GEMIN7: variants seen among roughly 807,000 people sequenced by gnomAD.
GEMIN7 encodes the protein gem nuclear organelle associated protein 7.
A neutral mutation model predicts 7.8 loss-of-function variants in GEMIN7; 7 were observed. That is an observed-to-expected ratio of 0.90 (90% confidence interval 0.51 to 1.69). The LOEUF (loss-of-function observed/expected upper bound fraction) is 1.69, where lower values mean the gene tolerates loss of function less well. GEMIN7 is among the 40% of genes most tolerant of loss of function. The pLI, the probability that GEMIN7 is intolerant of heterozygous loss-of-function variation, is 0.00. For missense variants in GEMIN7, 159 were observed against 176.2 expected, an observed-to-expected ratio of 0.90 and a Z score of 0.55; for synonymous variants, 68 against 72.4, an observed-to-expected ratio of 0.94 and a Z score of 0.31.
upstream of GEMIN7, chr19:45,075,642 A>C: frequency 6.4e-7 from 1 of 1,568,754 alleles, no homozygotes; most frequent in Non-Finnish European, 8.7e-7. Flanking sequence ...CCTGCCGTCC[A>C]GCCCAGCCCC....
rs748658297 is a variant in GEMIN7, at chr19:45,090,264, C to T, written c.150C>T (p.Ser50=). ...EIQECPIAQE[S]LESQEQRARA... ...AGGAGTGTCCCATAGCTCAAGAATC[C>T]CTGGAATCCCAGGAGCAGCGGGCAC... The change falls in exon 3 of 3, where the codon TCC becomes TCT. Residue 50 remains serine (S), a synonymous_variant. Coordinates refer to ENST00000270257, the MANE Select transcript of GEMIN7 (RefSeq NM_024707.3). The T allele has an allele frequency of 2.6e-5, 42 of 1,614,074 alleles. No homozygotes were observed. Among genetic ancestry groups the T allele is most frequent in the Non-Finnish European group, 3.3e-5 (39 of 1,180,028 alleles).
chr19:45,076,347 C>A (rs764365382), upstream of GEMIN7: 9 of 1,358,172 alleles, frequency 6.6e-6, no homozygotes, highest in Non-Finnish European at 8.6e-6. This position sits in a 1 kb window ranked among gnomAD's most constrained non-coding sequence, Gnocchi z 4.9. Context: ...CTCGGCGGGG[C>A]GCGCTGCCGG....
intron 2 of GEMIN7, among the ~76,000 whole-genome samples, chr19:45,082,388 C>G (rs987903660): frequency 2.0e-5 from 3 of 152,208 alleles, no homozygotes; most frequent in Non-Finnish European, 4.4e-5. Flanking sequence ...AAACTACCCT[C>G]TATCCCCCAG....
rs1350115013 is a variant in GEMIN7 at position 45,091,451 on chromosome 19, T to A, written c.*941T>A. The A allele has an allele frequency of 3.0e-5, 5 of 167,152 alleles. No homozygotes were observed. Among genetic ancestry groups the A allele is most frequent in the Admixed American group, 2.0e-4 (3 of 15,288 alleles). 10.4% of individuals were successfully genotyped at this position (167,152 alleles called of 1,614,324 possible). A position where few individuals can be genotyped will look rare whatever the true frequency, so the allele number is the denominator to read the frequency against. On this transcript the variant is annotated 3_prime_UTR_variant, in exon 3 of 3. Coordinates refer to ENST00000270257, the MANE Select transcript of GEMIN7 (RefSeq NM_024707.3). Reference sequence around the variant, plus strand: ...AGAAAGCAGTTTCTGTCCCTTTCTGTAGTTCCTTTAAGTTCAGGATGTAAG... The same window carrying A: ...AGAAAGCAGTTTCTGTCCCTTTCTGAAGTTCCTTTAAGTTCAGGATGTAAG...
chr19:45,075,891 G>T (rs772519742), upstream of GEMIN7: 33 of 1,612,536 alleles, frequency 2.0e-5, no homozygotes, highest in Non-Finnish European at 2.6e-5. Context: ...TGGTGAGCGT[G>T]GGGTGGGGCC....
rs750629601 is a variant in GEMIN7, at chr19:45,090,121, A to T, written c.7A>T (p.Thr3Ser). Residue 3 changes from threonine to serine, a missense_variant, in exon 3 of 3, where the codon ACT becomes TCT. Coordinates refer to ENST00000270257, the MANE Select transcript of GEMIN7 (RefSeq NM_024707.3). MQ[T>S]PVNIPVPVLR... Reference sequence around the variant, plus strand: ...TCACTCAACAGCCAAGACAATGCAAACTCCAGTGAACATTCCCGTGCCTGT... The same window carrying T: ...TCACTCAACAGCCAAGACAATGCAATCTCCAGTGAACATTCCCGTGCCTGT... 6.2e-7 allele frequency: 1 copy of T among 1,606,852 alleles called. No homozygotes were observed. The highest frequency in any genetic ancestry group is 8.5e-7 in the Non-Finnish European group (1 of 1,174,882).
In GEMIN7 at chr19:45,090,338, G is replaced by A; in HGVS notation, c.224G>A (p.Gly75Asp). 6.2e-7 allele frequency: 1 copy of A among 1,614,190 alleles called. No homozygotes were observed. Among genetic ancestry groups the A allele is most frequent in the Non-Finnish European group, 8.5e-7 (1 of 1,180,046 alleles). Residue 75 changes from glycine to aspartate, a missense_variant, in exon 3 of 3, where the codon GGT (glycine) becomes GAT (aspartate). Gly to Asp is a moderately conservative substitution (Grantham distance 94, BLOSUM62 -1). Coordinates refer to ENST00000270257, the MANE Select transcript of GEMIN7 (RefSeq NM_024707.3). Reference protein sequence around the residue: ...RYLRSLLAMVGHQVSFTLHEG... With the variant: ...RYLRSLLAMVDHQVSFTLHEG... ...CTCCGCAGCCTGCTGGCCATGGTGGGTCATCAGGTGAGCTTCACGTTGCAC... is the reference window on the plus strand; with the variant it reads ...CTCCGCAGCCTGCTGGCCATGGTGGATCATCAGGTGAGCTTCACGTTGCAC...
chr19:45,080,374 ATTTT>A (rs765472967), intron 2 of GEMIN7, among the ~76,000 whole-genome samples: 4 of 134,878 alleles, frequency 3.0e-5, no homozygotes, highest in Non-Finnish European at 3.2e-5. Context: ...CAAGGAAATG[ATTTT>A]TTTTTTTTTT....
chr19:45,088,454 A>T (rs983393455), intron 2 of GEMIN7: 1 of 152,098 alleles, frequency 6.6e-6, no homozygotes, highest in African/African-American at 2.4e-5. Flanking sequence ...TCTTCTGAGT[A>T]GCTGGGACTT....
chr19:45,076,019 G>A (rs1967340283), upstream of GEMIN7: 3 of 1,569,680 alleles, frequency 1.9e-6, no homozygotes, highest in Non-Finnish European at 2.6e-6. The surrounding 1 kb of genome is among the most constrained non-coding windows in gnomAD (Gnocchi z 4.9). Context: ...CAAAGGGAAG[G>A]GTCCCACCCG....
At position 45,090,565 on chromosome 19, in the gene GEMIN7, C is replaced by G; in HGVS notation, c.*55C>G. The G allele has an allele frequency of 6.6e-7, 1 of 1,518,726 alleles. No individual in the cohort carries two copies. Among genetic ancestry groups the G allele is most frequent in the Non-Finnish European group, 9.0e-7 (1 of 1,115,242 alleles). The allele number at this position is 1,518,726 out of a possible 1,614,324, so 94.1% of individuals were successfully genotyped here. On this transcript the variant is annotated 3_prime_UTR_variant, in exon 3 of 3. Coordinates refer to ENST00000270257, the MANE Select transcript of GEMIN7 (RefSeq NM_024707.3). ...CTAAGGCACTGTATCCCAGGCCTCC[C>G]AATGTTCCCGAGCCAGGAACTCTGG...
intron 2 of GEMIN7, among the ~76,000 whole-genome samples, chr19:45,082,077 G>C (rs952386297): frequency 6.6e-6 from 1 of 152,030 alleles, no homozygotes; most frequent in African/African-American, 2.4e-5. Context: ...TGTCCATGCA[G>C]CAGGCAGAGG....
intron 2 of GEMIN7, 69 bp from the exon 3 acceptor site, chr19:45,090,038 C>T (rs1781483472): frequency 6.7e-7 from 1 of 1,487,542 alleles, no homozygotes; most frequent in Non-Finnish European, 9.1e-7. Flanking sequence ...TCTGCTTCCA[C>T]TCCTCCCTCC....
chr19:45,084,670 C>T lies in GEMIN7; in HGVS notation c.-9+4641C>T, dbSNP rs1270907366. Among the ~76,000 whole-genome samples, 34 of 152,258 alleles carry T rather than the reference C, an allele frequency of 2.2e-4. 1 individual carries two copies. Among genetic ancestry groups the T allele is most frequent in the Admixed American group, 9.8e-4 (15 of 15,286 alleles). The stretch of plus-strand genomic sequence containing the variant: ...TCAGCTCACTGCAACCTCTGCCTCC[C>T]GGGTTCAAGAGAGTCTCCTGCCTCA... On this transcript the variant is annotated intron_variant, in intron 2 of 2. Coordinates refer to ENST00000270257, the MANE Select transcript of GEMIN7 (RefSeq NM_024707.3).
intron 2 of GEMIN7, among the ~76,000 whole-genome samples, chr19:45,086,618 C>A (rs191500875): frequency 6.6e-6 from 1 of 152,144 alleles, no homozygotes; most frequent in Non-Finnish European, 1.5e-5. Flanking sequence ...ACAGATTAGT[C>A]AAGCCATTTA....
intron 2 of GEMIN7, 101 bp from the exon 3 acceptor site, chr19:45,090,006 G>A: frequency 1.6e-6 from 2 of 1,249,470 alleles, no homozygotes; most frequent in Non-Finnish European, 2.3e-6. Context: ...CAGGTGCAGT[G>A]GAGCTGCCTG....
chr19:45,078,493 G>C (rs1280732402), upstream of GEMIN7, among the ~76,000 whole-genome samples: 1 of 152,156 alleles, frequency 6.6e-6, no homozygotes, highest in Non-Finnish European at 1.5e-5. Flanking sequence ...CTAGAACGTA[G>C]GTTCTAGGAG....
At chr19:45,089,967 A>G in intron 2 of GEMIN7, 140 bp from the exon 3 acceptor site, 1 of 839,694 alleles carries the variant, frequency 1.2e-6, no homozygotes, top group East Asian at 2.5e-5. Flanking sequence ...ACGATGGCAC[A>G]GATTTTAGGA....
At chr19:45,076,227 C>T (rs375195199), upstream of GEMIN7, 11 of 1,508,482 alleles carry the variant, frequency 7.3e-6, no homozygotes, top group African/African-American at 1.4e-4. The surrounding 1 kb of genome is among the most constrained non-coding windows in gnomAD (Gnocchi z 4.9). Flanking sequence ...GGGAGAAGGG[C>T]CCCAGCCTTG....
Sources: allele counts gnomAD v4.1 joint callset (sites outside exome capture counted in the v4.1 genomes callset), GRCh38; gene constraint gnomAD v4.1.1; non-coding constraint Gnocchi (gnomAD v3.1); transcripts MANE v1.5; gene names NCBI Gene and HGNC (gene_info 2026-07-23, HGNC 2026-07-21).